Variants in CEP135 observed in about 807,000 individuals in gnomAD.
The protein encoded by CEP135 is centrosomal protein 135, also known as centrosomal protein of 135 kDa.
Under a neutral mutation model 157.3 loss-of-function variants are expected in CEP135, and 142 were observed. That is an observed-to-expected ratio of 0.90 (90% CI 0.79 to 1.04). The LOEUF (loss-of-function observed/expected upper bound fraction) is 1.04. Among genes scored for constraint, CEP135 ranks in the 50% least tolerant of loss-of-function variants. The probability of loss-of-function intolerance (pLI) is 0.00; values close to 1 mark genes in which losing one functional copy is unlikely to be tolerated. For synonymous variants in CEP135, 396 were observed against 439.8 expected, an observed-to-expected ratio of 0.90 and a Z score of 1.25; for missense variants, 1,317 against 1,309.2, an observed-to-expected ratio of 1.01 and a Z score of -0.09.
chr4:56,030,401 A>G (rs1352420085), intron 25 of CEP135, among the ~76,000 whole-genome samples: 1 of 152,192 alleles, frequency 6.6e-6, no homozygotes, highest in Non-Finnish European at 1.5e-5. Context: ...TCATTGACCA[A>G]AATATCATTA....
intron 11 of CEP135, among the ~76,000 whole-genome samples, chr4:55,979,850 C>A (rs931300915): frequency 2.6e-5 from 4 of 152,112 alleles, no homozygotes; most frequent in East Asian, 1.9e-4. Flanking sequence ...TCAAGTACCA[C>A]GAGTATGAAC....
In CEP135 at chr4:56,017,706, C is replaced by T. The variant is rs764745466; in HGVS notation, c.2861C>T (p.Ser954Phe). 1.2e-6 allele frequency: 2 copies of T among 1,613,820 alleles called. No homozygotes were observed. Among genetic ancestry groups the T allele is most frequent in the Admixed American group, 3.3e-5 (2 of 60,010 alleles). Residue 954 changes from serine to phenylalanine, a missense_variant, in exon 22 of 26, where the codon TCT becomes TTT. Ser to Phe is a radical substitution (Grantham distance 155). Transcript: ENST00000257287. ...ATCTCATCAATGGCAAAAGCCATGT[C>T]TCGATTAGAAGAAGAGCTGAGACAT... is the stretch of plus-strand genomic sequence containing the variant. Reference protein sequence around the residue: ...SQISSMAKAMSRLEEELRHQE... With the variant: ...SQISSMAKAMFRLEEELRHQE...
At chr4:55,994,050 G>A (rs1729881505) in intron 15 of CEP135, among the ~76,000 whole-genome samples, 1 of 152,158 alleles carries the variant, frequency 6.6e-6, no homozygotes, top group Non-Finnish European at 1.5e-5. Context: ...CTCCATATCA[G>A]TAAGTATTGG....
rs73820222 is a variant in CEP135, at chr4:55,974,509, C to T, written c.1250-237C>T. ...GCATAGCACCCATCTTACGATAAGA[C>T]AAAAGCAGGGAGACTTGGACCTATT... is the stretch of plus-strand genomic sequence containing the variant. On this transcript the variant is annotated intron_variant, in intron 10 of 25. Transcript: ENST00000257287. 0.021 allele frequency among the ~76,000 whole-genome samples: 3,190 copies of T among 152,196 alleles called. 114 individuals carry two copies. The highest frequency in any genetic ancestry group is 0.073 in the African/African-American group (3,040 of 41,512).
chr4:55,999,323 G>A lies in CEP135; in HGVS notation c.2031G>A (p.Gln677=). 6.2e-7 allele frequency: 1 copy of A among 1,614,060 alleles called. No homozygotes were observed. The highest frequency in any genetic ancestry group is 8.5e-7 in the Non-Finnish European group (1 of 1,179,944). ...NSLRIVNEQL[Q]RSVDDYQHRL... is the part of the protein sequence containing the mutation. ...TTAGGATAGTGAATGAGCAGCTACA[G>A]CGGTCAGTTGATGACTATCAGCACC... is the stretch of plus-strand genomic sequence containing the variant. The change falls in exon 16 of 26, where the codon CAG becomes CAA. Residue 677 remains glutamine (Q), a synonymous_variant. Transcript: ENST00000257287.
At chr4:55,953,616 G>A (rs1288847332) in intron 3 of CEP135, among the ~76,000 whole-genome samples, 1 of 152,122 alleles carries the variant, frequency 6.6e-6, no homozygotes, top group Non-Finnish European at 1.5e-5. Context: ...ATATAGCTAT[G>A]ATAATCACTA....
At chr4:55,954,425 C>G (rs1728448995) in intron 4 of CEP135, 42 bp downstream of exon 4, 3 of 1,524,974 alleles carry the variant, frequency 2.0e-6, no homozygotes, top group Non-Finnish European at 2.6e-6. Context: ...CACATTTAAT[C>G]TTTTAACGAT....
intron 14 of CEP135, among the ~76,000 whole-genome samples, chr4:55,986,686 G>A (rs545654235): frequency 6.6e-6 from 1 of 152,176 alleles, no homozygotes; most frequent in East Asian, 1.9e-4. Context: ...TAGATTCAGG[G>A]GTACATGTAC....
In CEP135 at chr4:56,018,782, A is replaced by T. The variant is rs182173677; in HGVS notation, c.3013-571A>T. Among the ~76,000 whole-genome samples, 103 of 152,298 alleles carry T rather than the reference A, an allele frequency of 6.8e-4. 1 individual carries two copies. Among genetic ancestry groups the T allele is most frequent in the African/African-American group, 2.4e-3 (100 of 41,566 alleles). The stretch of plus-strand genomic sequence containing the variant: ...CTCAAAAAAAAAAAGTAAGACTTGA[A>T]TGAAGGATTGAACAGTTCAGTGCTT... On this transcript the variant is annotated intron_variant, in intron 22 of 25. Coordinates refer to ENST00000257287, the MANE Select transcript of CEP135 (RefSeq NM_025009.5).
intron 25 of CEP135, among the ~76,000 whole-genome samples, chr4:56,026,492 C>A (rs1168202005): frequency 6.6e-6 from 1 of 152,070 alleles, no homozygotes; most frequent in Non-Finnish European, 1.5e-5. Context: ...GAGATCCATC[C>A]ATATTGTTGT....
At chr4:55,952,285 C>G in intron 2 of CEP135, 42 bp downstream of exon 2, 1 of 1,100,562 alleles carries the variant, frequency 9.1e-7, no homozygotes, top group Non-Finnish European at 1.4e-6. Flanking sequence ...TGATCCCTAA[C>G]CACTTACCTC....
intron 15 of CEP135, among the ~76,000 whole-genome samples, chr4:55,996,344 GCTC>G (rs1488764396): frequency 6.6e-6 from 1 of 152,134 alleles, no homozygotes; most frequent in Non-Finnish European, 1.5e-5. Context: ...CTGTTCTTGA[GCTC>G]CTGGGCTCAA....
intron 25 of CEP135, among the ~76,000 whole-genome samples, chr4:56,026,576 C>T (rs1731166885): frequency 6.6e-6 from 1 of 152,210 alleles, no homozygotes; most frequent in Non-Finnish European, 1.5e-5. Context: ...AATCCAATTA[C>T]TCCTCCTTCT....
intron 24 of CEP135, among the ~76,000 whole-genome samples, chr4:56,024,085 T>G (rs1731071618): frequency 7.0e-6 from 1 of 143,366 alleles, no homozygotes; most frequent in Non-Finnish European, 1.5e-5. Flanking sequence ...ATATAATTAG[T>G]ATATTAGTAT....
chr4:56,017,695 A>G lies in CEP135; in HGVS notation c.2850A>G (p.Ala950=). 6.2e-7 allele frequency: 1 copy of G among 1,613,758 alleles called. No homozygotes were observed. ...ATGAATCTCAGATCTCATCAATGGC[A>G]AAAGCCATGTCTCGATTAGAAGAAG... ...HAYESQISSM[A]KAMSRLEEEL... Residue 950 remains alanine, a synonymous_variant, in exon 22 of 26, where the codon GCA becomes GCG. Coordinates refer to ENST00000257287, the MANE Select transcript of CEP135 (RefSeq NM_025009.5).
At chr4:56,003,244 G>C (rs1174269354) in intron 17 of CEP135, among the ~76,000 whole-genome samples, 1 of 151,516 alleles carries the variant, frequency 6.6e-6, no homozygotes, top group Non-Finnish European at 1.5e-5. Context: ...GTGGAGTGCA[G>C]TGGCACGATC....
In CEP135 at chr4:56,032,843, G is replaced by A. The variant is rs905394280; in HGVS notation, c.*1495G>A. ...TTGTTTCCTCTTGTGGTTTAATAAA[G>A]TGAAGTGTGTGTGTGTGTGTGTGTG... On this transcript the variant is annotated 3_prime_UTR_variant, in exon 26 of 26. Coordinates refer to ENST00000257287, the MANE Select transcript of CEP135 (RefSeq NM_025009.5). 1.7e-5 allele frequency: 2 copies of A among 120,594 alleles called. No homozygotes were observed. Among genetic ancestry groups the A allele is most frequent in the Non-Finnish European group, 3.4e-5 (2 of 58,396 alleles). The allele number at this position is 120,594 out of a possible 1,614,324, so 7.5% of individuals were successfully genotyped here. A position where few individuals can be genotyped will look rare whatever the true frequency, so the allele number is the denominator to read the frequency against.
In CEP135 at chr4:56,009,858, C is replaced by G; in HGVS notation, c.2460C>G (p.Asn820Lys). The G allele has an allele frequency of 1.2e-6, 2 of 1,613,806 alleles. No individual in the cohort carries two copies. Among genetic ancestry groups the G allele is most frequent in the Non-Finnish European group, 1.7e-6 (2 of 1,179,918 alleles). The change falls in exon 19 of 26, where the codon AAC (asparagine) becomes AAG (lysine). Residue 820 changes from asparagine (N) to lysine (K), a missense_variant. By Grantham distance (94) the Asn-to-Lys change is moderately conservative. Transcript: ENST00000257287. Reference sequence around the variant, plus strand: ...CTAGAGAAATCGCTTTTAAGGAAAACAGAAGACTGCAAGATGACCTGGCTA... The same window carrying G: ...CTAGAGAAATCGCTTTTAAGGAAAAGAGAAGACTGCAAGATGACCTGGCTA... ...GRSREIAFKE[N>K]RRLQDDLATM...
chr4:55,989,193 T>C (rs142063071), intron 14 of CEP135, among the ~76,000 whole-genome samples: 12 of 152,268 alleles, frequency 7.9e-5, no homozygotes, highest in African/African-American at 2.9e-4. Flanking sequence ...CAGTTAAAGG[T>C]TACTTACAGC....
Sources: allele counts gnomAD v4.1 joint callset (sites outside exome capture counted in the v4.1 genomes callset), GRCh38; gene constraint gnomAD v4.1.1; transcripts MANE v1.5; gene names NCBI Gene and HGNC (gene_info 2026-07-23, HGNC 2026-07-21).